Variants in ADAMTSL1 observed in about 807,000 individuals in gnomAD.
The protein encoded by ADAMTSL1 is ADAMTS-like protein 1.
A neutral mutation model predicts 201.8 loss-of-function variants in ADAMTSL1; 126 were observed. That is an observed-to-expected ratio of 0.62 (90% CI 0.54 to 0.72). The LOEUF (loss-of-function observed/expected upper bound fraction) is 0.72. Among genes scored for constraint, ADAMTSL1 ranks in the 30% least tolerant of loss-of-function variants. ADAMTSL1 has a pLI of 0.00. For synonymous variants in ADAMTSL1, 1,121 were observed against 903.4 expected (o/e 1.24, Z -4.32); for missense variants, 2,679 against 2,277.8 (o/e 1.18, Z -3.59).
intron 2 of ADAMTSL1, among the ~76,000 whole-genome samples, chr9:18,409,985 C>A: frequency 6.6e-6 from 1 of 151,488 alleles, no homozygotes; most frequent in Non-Finnish European, 1.5e-5. Context: ...TTACAAGTAT[C>A]TTTGCTTTCT....
At chr9:18,595,470 G>A (rs1447038976) in intron 4 of ADAMTSL1, among the ~76,000 whole-genome samples, 2 of 152,170 alleles carry the variant, frequency 1.3e-5, no homozygotes, top group African/African-American at 4.8e-5. Context: ...GCTCAGAAAA[G>A]TAAGTTCCTG....
chr9:18,854,672 G>A (rs1236782229), intron 23 of ADAMTSL1, among the ~76,000 whole-genome samples: 1 of 152,150 alleles, frequency 6.6e-6, no homozygotes, highest in African/African-American at 2.4e-5. Flanking sequence ...AAGAGCTAGA[G>A]AAAACGAAAG....
intron 1 of ADAMTSL1, among the ~76,000 whole-genome samples, chr9:18,100,571 C>G (rs189727120): frequency 4.9e-4 from 74 of 152,298 alleles, no homozygotes; most frequent in African/African-American, 1.7e-3. Flanking sequence ...ATTTCTGAAA[C>G]TTCCTAAGTC....
At chr9:18,248,713 G>T (rs1409586601) in intron 2 of ADAMTSL1, among the ~76,000 whole-genome samples, 2 of 152,120 alleles carry the variant, frequency 1.3e-5, no homozygotes, top group Non-Finnish European at 2.9e-5. Context: ...CATTGCGGGG[G>T]GCCATAACCC....
chr9:18,640,350 T>C (rs1337283054), intron 7 of ADAMTSL1, among the ~76,000 whole-genome samples: 1 of 152,156 alleles, frequency 6.6e-6, no homozygotes, highest in Non-Finnish European at 1.5e-5. Context: ...TGATTTCTGT[T>C]AAGCAAGAAA....
chr9:17,954,975 C>T (rs773416363), intron 1 of ADAMTSL1, among the ~76,000 whole-genome samples: 1 of 152,118 alleles, frequency 6.6e-6, no homozygotes, highest in African/African-American at 2.4e-5. Flanking sequence ...GTAATGGTAG[C>T]ATCCAGCTTG....
At chr9:18,337,351 G>A (rs1835282906) in intron 2 of ADAMTSL1, among the ~76,000 whole-genome samples, 2 of 152,102 alleles carry the variant, frequency 1.3e-5, no homozygotes, top group Middle Eastern at 6.8e-3. Context: ...GACTTGGACG[G>A]GCTTCCTTAC....
chr9:18,794,645 G>GT (rs1822277376), intron 19 of ADAMTSL1, among the ~76,000 whole-genome samples: 3 of 148,694 alleles, frequency 2.0e-5, no homozygotes, highest in African/African-American at 7.5e-5. Context: ...TGTTGTTGTT[G>GT]TTTTTTGAGA....
rs193234789 is a variant in ADAMTSL1, at chr9:18,570,155, T to A, written c.238-3875T>A. Among the ~76,000 whole-genome samples the A allele has an allele frequency of 3.6e-4, 54 of 151,580 alleles. No individual in the cohort carries two copies. In the East Asian group the frequency reaches 0.01, roughly 28 times the overall value. The stretch of plus-strand genomic sequence containing the variant: ...GGAAGGATAGCATGAGTCCAAGGGT[T>A]CCAGACCTGTCTGAGCAACTTCGAG... On this transcript the variant is annotated intron_variant, in intron 3 of 28. Transcript: ENST00000380548.
chr9:18,469,634 G>A (rs538051041), upstream of ADAMTSL1, among the ~76,000 whole-genome samples: 1 of 152,362 alleles, frequency 6.6e-6, no homozygotes, highest in East Asian at 1.9e-4. Flanking sequence ...AGCTGCAAGG[G>A]CCATGCCCAC....
In ADAMTSL1 at chr9:18,027,779, T is replaced by C. The variant is rs372494844; in HGVS notation, c.87+120857T>C. 4.0e-4 allele frequency among the ~76,000 whole-genome samples: 61 copies of C among 152,142 alleles called. No individual in the cohort carries two copies. In the East Asian group the frequency reaches 4.8e-3, roughly 12 times the overall value. On this transcript the variant is annotated intron_variant, in intron 1 of 29. Coordinates refer to the ADAMTSL1 transcript ENST00000680146. ...AGTCTGGAACTTCATTATTAATTTGTTTTCTGCCTCAATGATCTAATGCTG... is the reference window on the plus strand; with the variant it reads ...AGTCTGGAACTTCATTATTAATTTGCTTTCTGCCTCAATGATCTAATGCTG...
chr9:18,258,060 T>C (rs1213199441), intron 2 of ADAMTSL1, among the ~76,000 whole-genome samples: 2 of 152,164 alleles, frequency 1.3e-5, no homozygotes, highest in East Asian at 3.9e-4. Context: ...TGCACAACAA[T>C]GTGAATGAAC....
At chr9:18,814,174 A>G (rs532642300) in intron 20 of ADAMTSL1, among the ~76,000 whole-genome samples, 1 of 152,206 alleles carries the variant, frequency 6.6e-6, no homozygotes, top group East Asian at 1.9e-4. Flanking sequence ...CATTCTGTTC[A>G]TGTGATATAT....
At chr9:18,050,950 C>T (rs1457621078) in intron 1 of ADAMTSL1, among the ~76,000 whole-genome samples, 1 of 152,164 alleles carries the variant, frequency 6.6e-6, no homozygotes, top group Non-Finnish European at 1.5e-5. Context: ...CTACTTTACA[C>T]CAGTGCAATT....
chr9:18,338,733 C>G (rs1332992723), intron 2 of ADAMTSL1, among the ~76,000 whole-genome samples: 4 of 152,110 alleles, frequency 2.6e-5, no homozygotes, highest in Non-Finnish European at 5.9e-5. Flanking sequence ...AGGTAATAAA[C>G]ATAGTACCTG....
Position 17,944,251 on chromosome 9 carries a change from A to T in ADAMTSL1, c.87+37329A>T, listed in dbSNP as rs962447394. The stretch of plus-strand genomic sequence containing the variant: ...AGAATAAAATACCTAGGAATCCAAC[A>T]TACAAGGGACGTGAAGGACATCTTC... On this transcript the variant is annotated intron_variant, in intron 1 of 29. Transcript: ENST00000680146. Among the ~76,000 whole-genome samples the T allele has an allele frequency of 2.6e-5, 4 of 152,238 alleles. No individual in the cohort carries two copies. In the South Asian group the frequency reaches 6.2e-4, roughly 24 times the overall value.
chr9:18,439,525 C>T (rs1819902822), intron 2 of ADAMTSL1, among the ~76,000 whole-genome samples: 1 of 152,088 alleles, frequency 6.6e-6, no homozygotes, highest in South Asian at 2.1e-4. Context: ...CGCCACCACA[C>T]CCAGCTAATT....
Position 17,920,465 on chromosome 9 carries a change from A to G in ADAMTSL1, c.87+13543A>G, listed in dbSNP as rs1238098135. Among the ~76,000 whole-genome samples the G allele has an allele frequency of 9.9e-5, 15 of 152,196 alleles. 1 individual carries two copies. The stretch of plus-strand genomic sequence containing the variant: ...AAACTACTTTTGTGTCCAGAAAGTT[A>G]TTCTACTCTCACACTTGTTGCTTAT... On this transcript the variant is annotated intron_variant, in intron 1 of 29. Transcript: ENST00000680146.
chr9:18,577,969 C>T (rs1017012577), intron 4 of ADAMTSL1, among the ~76,000 whole-genome samples: 5 of 147,688 alleles, frequency 3.4e-5, no homozygotes, highest in African/African-American at 7.5e-5. Context: ...GAGAAAGTTA[C>T]TGCCCTTTAC....
Sources: gnomAD v4.1 joint callset for allele counts (sites outside exome capture counted in the v4.1 genomes callset) on GRCh38, gnomAD v4.1.1 for gene constraint, MANE v1.5 for transcripts, NCBI Gene and HGNC (gene_info 2026-07-23, HGNC 2026-07-21) for gene names.